ZNF609: variants seen among roughly 807,000 people sequenced by gnomAD.
ZNF609 encodes zinc finger protein 609.
ZNF609 carries 11 observed loss-of-function variants against 109.5 expected under a neutral mutation model. That is an observed-to-expected ratio of 0.10 (90% CI 0.06 to 0.17). The LOEUF is 0.17. Among genes scored for constraint, ZNF609 ranks in the 10% least tolerant of loss-of-function variants. ZNF609 has a pLI of 1.00. For synonymous variants in ZNF609, 646 were observed against 662.0 expected (o/e 0.98, Z 0.37); for missense variants, 1,559 against 1,772.4 (o/e 0.88, Z 2.16).
chr15:64,514,100 A>AG (rs1298491628), intron 2 of ZNF609, among the ~76,000 whole-genome samples: 1 of 151,936 alleles, frequency 6.6e-6, no homozygotes, highest in East Asian at 1.9e-4. Flanking sequence ...AAAAAAAAAA[A>AG]AAAACCACCA....
chr15:64,478,790 TTCTCTGGGAGGGTTTG>T (rs1461639306), intron 1 of ZNF609, among the ~76,000 whole-genome samples: 1 of 152,168 alleles, frequency 6.6e-6, no homozygotes, highest in Non-Finnish European at 1.5e-5. Context: ...TATATTACCT[TTCTCTGGGAGGGTTTG>T]CTGTATATCA....
chr15:64,511,053 C>T (rs1411107677), intron 2 of ZNF609, among the ~76,000 whole-genome samples: 2 of 150,350 alleles, frequency 1.3e-5, no homozygotes, highest in Non-Finnish European at 2.9e-5. Context: ...CTAACTCACC[C>T]AGCTCAGAGT....
At chr15:64,647,622 G>T (rs1008937876) in intron 3 of ZNF609, among the ~76,000 whole-genome samples, 1 of 151,772 alleles carries the variant, frequency 6.6e-6, no homozygotes, top group African/African-American at 2.4e-5. Context: ...AACATTAAAT[G>T]ACCTTCTATA....
chr15:64,576,851 A>G (rs1175116206), intron 2 of ZNF609, among the ~76,000 whole-genome samples: 1 of 145,740 alleles, frequency 6.9e-6, no homozygotes, highest in African/African-American at 2.5e-5. Context: ...AAAAGAATGA[A>G]CTGAAGGCCC....
At chr15:64,611,972 T>G (rs1895722884) in intron 2 of ZNF609, among the ~76,000 whole-genome samples, 1 of 151,498 alleles carries the variant, frequency 6.6e-6, no homozygotes, top group Non-Finnish European at 1.5e-5. Context: ...CCTCACCTCA[T>G]GATCCGCCCA....
chr15:64,526,321 C>T (rs1173026870), intron 2 of ZNF609, among the ~76,000 whole-genome samples: 4 of 151,942 alleles, frequency 2.6e-5, no homozygotes, highest in Admixed American at 2.0e-4. Context: ...TTGTGGAATT[C>T]GTTTGTTGGC....
intron 1 of ZNF609, among the ~76,000 whole-genome samples, chr15:64,489,218 C>T (rs1419378106): frequency 6.6e-6 from 1 of 151,510 alleles, no homozygotes; most frequent in Non-Finnish European, 1.5e-5. Flanking sequence ...TGGAGTCTCA[C>T]TCTCTCTCCC....
rs142809674 is a variant in ZNF609, at chr15:64,481,934, G to A, written c.-127-17359G>A. Among the ~76,000 whole-genome samples, 1,159 of 151,990 alleles carry A rather than the reference G, an allele frequency of 7.6e-3. 12 individuals are homozygous for A. Among genetic ancestry groups the A allele is most frequent in the African/African-American group, 0.021 (874 of 41,492 alleles). On this transcript the variant is annotated intron_variant, in intron 1 of 9. Transcript: ENST00000326648. The stretch of plus-strand genomic sequence containing the variant: ...TGAGTAGCTGGGATTATAGTCACAC[G>A]CCACCACACCTGGCTAATTTTTATA...
intron 2 of ZNF609, among the ~76,000 whole-genome samples, chr15:64,586,576 C>G (rs1212633480): frequency 6.6e-6 from 1 of 152,064 alleles, no homozygotes; most frequent in Non-Finnish European, 1.5e-5. Context: ...GTCATGCGTT[C>G]CTTATGTGAA....
intron 3 of ZNF609, among the ~76,000 whole-genome samples, chr15:64,665,523 A>G (rs978348592): frequency 2.6e-5 from 4 of 152,232 alleles, no homozygotes; most frequent in African/African-American, 9.6e-5. Flanking sequence ...AAACCAAGGC[A>G]GGAGGATCAC....
rs114931119 is a variant in ZNF609, at chr15:64,554,204, G to A, written c.747+54038G>A. Among the ~76,000 whole-genome samples the A allele has an allele frequency of 2.4e-3, 366 of 152,282 alleles. 2 individuals are homozygous for A. Among genetic ancestry groups the A allele is most frequent in the African/African-American group, 8.5e-3 (353 of 41,562 alleles). Reference sequence around the variant, plus strand: ...TTTACCATTAAATATGACGTTAGCTGTAGTTTTTTCATAGATTTTCTTTTT... The same window carrying A: ...TTTACCATTAAATATGACGTTAGCTATAGTTTTTTCATAGATTTTCTTTTT... On this transcript the variant is annotated intron_variant, in intron 2 of 9. Coordinates refer to ENST00000326648, the MANE Select transcript of ZNF609 (RefSeq NM_015042.2).
At chr15:64,506,446 C>T (rs560620789) in intron 2 of ZNF609, among the ~76,000 whole-genome samples, 37 of 142,488 alleles carry the variant, frequency 2.6e-4, no homozygotes, top group African/African-American at 8.6e-4. Flanking sequence ...TTAGGCCGGG[C>T]GCGGTGGCTC....
chr15:64,591,501 T>A (rs1049351786), intron 2 of ZNF609, among the ~76,000 whole-genome samples: 1 of 151,980 alleles, frequency 6.6e-6, no homozygotes, highest in African/African-American at 2.4e-5. Context: ...AAAAATGTTT[T>A]AAAAAAAGCC....
At chr15:64,622,067 T>C (rs190986052) in intron 2 of ZNF609, among the ~76,000 whole-genome samples, 1 of 152,276 alleles carries the variant, frequency 6.6e-6, no homozygotes, top group Admixed American at 6.5e-5. Flanking sequence ...ATCAACAACA[T>C]CTTCAGACTG....
intron 3 of ZNF609, among the ~76,000 whole-genome samples, chr15:64,655,417 C>T (rs970218890): frequency 5.3e-5 from 8 of 151,912 alleles, no homozygotes; most frequent in African/African-American, 1.9e-4. Context: ...GCCAGGACAA[C>T]AAGAGCAAAA....
chr15:64,685,039 C>T lies in ZNF609; in HGVS notation c.*3353C>T, dbSNP rs2083233021. 6.6e-6 allele frequency: 1 copy of T among 152,616 alleles called. No individual in the cohort carries two copies. Among genetic ancestry groups the T allele is most frequent in the South Asian group, 2.1e-4 (1 of 4,832 alleles). 9.5% of individuals were successfully genotyped at this position (152,616 alleles called of 1,614,324 possible). On this transcript the variant is annotated 3_prime_UTR_variant, in exon 10 of 10. Transcript: ENST00000326648. ...GAGCAGGTTGGGGCGAGCTGGAGGC[C>T]CGGGCTGGAGGGGCAGTGTTGCTGT...
At position 64,511,021 on chromosome 15, in the gene ZNF609, A is replaced by T. The variant is rs569070148; in HGVS notation, c.747+10855A>T. 9.9e-5 allele frequency among the ~76,000 whole-genome samples: 15 copies of T among 151,524 alleles called. No individual in the cohort carries two copies. In the South Asian group the frequency reaches 2.9e-3, roughly 29 times the overall value. On this transcript the variant is annotated intron_variant, in intron 2 of 9. Transcript: ENST00000326648. ...TTTTTTTTTTGGTTCCTTCATTTTA[A>T]AAAGTTTTTATAAACTGGTACCTAA... is the stretch of plus-strand genomic sequence containing the variant.
intron 2 of ZNF609, among the ~76,000 whole-genome samples, chr15:64,582,774 CAG>C (rs1183761417): frequency 1.9e-4 from 8 of 41,708 alleles, no homozygotes; most frequent in Non-Finnish European, 3.2e-4. Flanking sequence ...TTTTTTGAGA[CAG>C]AGTCTCGCTT....
chr15:64,654,428 CA>C (rs1057192923), intron 3 of ZNF609: 3 of 152,082 alleles, frequency 2.0e-5, no homozygotes, highest in African/African-American at 7.2e-5. Context: ...CTTGGCCATT[CA>C]ACCAAACTTT....
Sources: gnomAD v4.1 joint callset for allele counts (sites outside exome capture counted in the v4.1 genomes callset) on GRCh38, gnomAD v4.1.1 for gene constraint, MANE v1.5 for transcripts, NCBI Gene and HGNC (gene_info 2026-07-23, HGNC 2026-07-21) for gene names.